The following RNF139 variants were observed in gnomAD, a reference collection of about 807,000 sequenced individuals.
The protein encoded by RNF139 is ring finger protein 139, also known as E3 ubiquitin-protein ligase RNF139.
A neutral mutation model predicts 49.5 loss-of-function variants in RNF139; 15 were observed. The observed-to-expected ratio is 0.30, with a 90% CI of 0.20 to 0.47. RNF139 has a LOEUF of 0.47. RNF139 is among the 20% of genes least tolerant of loss of function. The pLI is 1.00. For synonymous variants in RNF139, 325 were observed against 300.9 expected (o/e 1.08, Z -0.83); for missense variants, 619 against 806.3 (o/e 0.77, Z 2.81).
At position 124,475,209 on chromosome 8, in the gene RNF139, A is replaced by T. The variant is rs1446769003; in HGVS notation, c.100A>T (p.Ile34Phe). 6.2e-7 allele frequency: 1 copy of T among 1,613,856 alleles called. No homozygotes were observed. Among genetic ancestry groups the T allele is most frequent in the South Asian group, 1.1e-5 (1 of 91,068 alleles). Residue 34 changes from isoleucine to phenylalanine, a missense_variant, in exon 1 of 2, where the codon ATC becomes TTC. By Grantham distance (21) the Ile-to-Phe change is conservative. Transcript: ENST00000303545. ...GCTCCGGGTGCCCTGCCTTTACATC[A>T]TCGACGCCATCTTCAACTCCTACCC... ...VALRVPCLYI[I>F]DAIFNSYPDS...
intron 1 of RNF139, among the ~76,000 whole-genome samples, chr8:124,479,238 G>T (rs146691482): frequency 6.6e-6 from 1 of 152,080 alleles, no homozygotes; most frequent in Non-Finnish European, 1.5e-5. Context: ...TGCCTGGCTC[G>T]TACAACTTTT....
At position 124,487,701 on chromosome 8, in the gene RNF139, A is replaced by C; in HGVS notation, c.*57A>C. On this transcript the variant is annotated 3_prime_UTR_variant, in exon 2 of 2. Coordinates refer to ENST00000303545, the MANE Select transcript of RNF139 (RefSeq NM_007218.4). ...TTGTTTAAAATTCAGTTCATCCAAA[A>C]TGGAGTAATATCCTTCACCTTCAGT... 1 of 1,494,482 alleles carries C rather than the reference A, an allele frequency of 6.7e-7. No homozygotes were observed. The highest frequency in any genetic ancestry group is 9.0e-7 in the Non-Finnish European group (1 of 1,113,658). The allele number at this position is 1,494,482 out of a possible 1,614,324, so 92.6% of individuals were successfully genotyped here.
At position 124,486,831 on chromosome 8, in the gene RNF139, T is replaced by G. The variant is rs376817114; in HGVS notation, c.1182T>G (p.Phe394Leu). The change falls in exon 2 of 2, where the codon TTT (phenylalanine) becomes TTG (leucine). Residue 394 changes from phenylalanine to leucine, a missense_variant. Phe to Leu is a conservative substitution (Grantham distance 22, BLOSUM62 0). This residue lies in a region of RNF139 where 530 missense variants were observed against 728.9 expected (regional missense o/e 0.73). Coordinates refer to ENST00000303545, the MANE Select transcript of RNF139 (RefSeq NM_007218.4). ...SSFRRHFPVL[F>L]VSACLFILPV... Reference sequence around the variant, plus strand: ...TTCGTAGACATTTTCCTGTGCTGTTTGTCTCTGCTTGCCTGTTTATTCTTC... The same window carrying G: ...TTCGTAGACATTTTCCTGTGCTGTTGGTCTCTGCTTGCCTGTTTATTCTTC... The G allele has an allele frequency of 2.5e-6, 4 of 1,613,826 alleles. No individual in the cohort carries two copies. The African/African-American group carries it at 4.0e-5, about 16-fold the overall frequency.
Position 124,486,687 on chromosome 8 carries a change from A to G in RNF139, c.1038A>G (p.Glu346=). 1 of 1,614,164 alleles carries G rather than the reference A, an allele frequency of 6.2e-7. No homozygotes were observed. Among genetic ancestry groups the G allele is most frequent in the Non-Finnish European group, 8.5e-7 (1 of 1,180,032 alleles). Residue 346 remains glutamate (E), a synonymous_variant, in exon 2 of 2, where the codon GAA becomes GAG. Transcript: ENST00000303545. ...LQTGLSGLRP[E]ERLIRLSRNM... ...CTGGGTTAAGTGGGCTAAGACCAGA[A>G]GAGAGACTTATTCGCTTAAGTAGAA...
chr8:124,474,881 G>A lies in RNF139; in HGVS notation c.-229G>A. 3.3e-6 allele frequency: 1 copy of A among 302,428 alleles called. No individual in the cohort carries two copies. The highest frequency in any genetic ancestry group is 6.0e-6 in the Non-Finnish European group (1 of 167,238). 18.7% of individuals were successfully genotyped at this position (302,428 alleles called of 1,614,324 possible). A position where few individuals can be genotyped will look rare whatever the true frequency, so the allele number is the denominator to read the frequency against. On this transcript the variant is annotated 5_prime_UTR_variant, in exon 1 of 2. Coordinates refer to ENST00000303545, the MANE Select transcript of RNF139 (RefSeq NM_007218.4). This position sits in a 1 kb window ranked among gnomAD's most constrained non-coding sequence, Gnocchi z 4.6. ...AGCCAGCCGGAAACACCGAAACCCA[G>A]AGACCTCCTGGGGAGCCGCCGCCGC...
rs991809786 is a variant in RNF139, at chr8:124,488,495, T to A, written c.*851T>A. The stretch of plus-strand genomic sequence containing the variant: ...AATGGTGTGTACCGATATATAGTAT[T>A]TCTTTAGACAACTTGCAGATAATTT... On this transcript the variant is annotated 3_prime_UTR_variant, in exon 2 of 2. Coordinates refer to ENST00000303545, the MANE Select transcript of RNF139 (RefSeq NM_007218.4). 3.1e-6 allele frequency: 2 copies of A among 649,798 alleles called. No individual in the cohort carries two copies. The highest frequency in any genetic ancestry group is 4.2e-4 in the Middle Eastern group (1 of 2,388). The allele number at this position is 649,798 out of a possible 1,614,324, so 40.3% of individuals were successfully genotyped here. A position where few individuals can be genotyped will look rare whatever the true frequency, so the allele number is the denominator to read the frequency against.
chr8:124,486,820 C>T lies in RNF139; in HGVS notation c.1171C>T (p.Pro391Ser). ...SHVSSFRRHF[P>S]VLFVSACLFI... ...TGTGTCATCTTTTCGTAGACATTTT[C>T]CTGTGCTGTTTGTCTCTGCTTGCCT... Residue 391 changes from proline (P) to serine (S), a missense_variant, in exon 2 of 2, where the codon CCT (proline) becomes TCT (serine). Pro to Ser is a moderately conservative substitution (Grantham distance 74). Transcript: ENST00000303545. The T allele has an allele frequency of 1.2e-6, 2 of 1,613,852 alleles. No individual in the cohort carries two copies. The highest frequency in any genetic ancestry group is 1.7e-6 in the Non-Finnish European group (2 of 1,179,998).
intron 1 of RNF139, among the ~76,000 whole-genome samples, chr8:124,483,725 C>G (rs1451689428): frequency 6.6e-6 from 1 of 152,128 alleles, no homozygotes; most frequent in East Asian, 1.9e-4. Context: ...CCACCACACC[C>G]AGCCAAGATG....
At chr8:124,485,784 T>G (rs1272543884) in intron 1 of RNF139, 47 bp from the exon 2 acceptor site, 1 of 1,452,800 alleles carries the variant, frequency 6.9e-7, no homozygotes, top group Non-Finnish European at 9.3e-7. Flanking sequence ...TGGGGAAACA[T>G]TCTTACAAAT....
chr8:124,487,165 T>C lies in RNF139; in HGVS notation c.1516T>C (p.Phe506Leu). ...TTTTATGATGTGCCTACATGCATAT[T>C]TTAACATCTACTTACAAGCCAAAAA... ...RAFMMCLHAY[F>L]NIYLQAKNGW... The change falls in exon 2 of 2, where the codon TTT becomes CTT. Residue 506 changes from phenylalanine (F) to leucine (L), a missense_variant. Around this residue, in one of 2 missense-constraint regions of RNF139, gnomAD observed 530 missense variants for 728.9 expected, o/e 0.73. Transcript: ENST00000303545. 6.2e-7 allele frequency: 1 copy of C among 1,613,992 alleles called. No individual in the cohort carries two copies. Among genetic ancestry groups the C allele is most frequent in the Non-Finnish European group, 8.5e-7 (1 of 1,180,008 alleles).
At chr8:124,475,955 T>C (rs1000943069) in intron 1 of RNF139, among the ~76,000 whole-genome samples, 2 of 152,246 alleles carry the variant, frequency 1.3e-5, no homozygotes, top group Non-Finnish European at 2.9e-5. Context: ...CTGAAAATCA[T>C]TGTCTTTGTT....
intron 1 of RNF139, among the ~76,000 whole-genome samples, chr8:124,478,041 G>A (rs1816341071): frequency 6.6e-6 from 1 of 152,052 alleles, no homozygotes; most frequent in Non-Finnish European, 1.5e-5. Flanking sequence ...TGCCAGGGAA[G>A]CTGAGGCAGG....
At chr8:124,475,937 A>G (rs1240051213) in intron 1 of RNF139, among the ~76,000 whole-genome samples, 1 of 152,228 alleles carries the variant, frequency 6.6e-6, no homozygotes, top group African/African-American at 2.4e-5. Context: ...CATTTGCCAA[A>G]GAGACTTCTG....
rs577163459 is a variant in RNF139 at position 124,486,265 on chromosome 8, C to A, written c.616C>A (p.Arg206=). 2.3e-5 allele frequency: 37 copies of A among 1,613,954 alleles called. No homozygotes were observed. In the South Asian group the frequency reaches 2.9e-4, roughly 12 times the overall value. ...ACTGAAGTGGTTTTATTATTCCACACGATATGTTTATCTTTTGGTGAGGCA... is the reference window on the plus strand; with the variant it reads ...ACTGAAGTGGTTTTATTATTCCACAAGATATGTTTATCTTTTGGTGAGGCA... The part of the protein sequence containing the change: ...VKLKWFYYST[R]YVYLLVRHMY... Residue 206 remains arginine (R), a synonymous_variant, in exon 2 of 2, where the codon CGA becomes AGA. Transcript: ENST00000303545.
chr8:124,487,624 T>A lies in RNF139; in HGVS notation c.1975T>A (p.Phe659Ile). ...GCACACAGGCGCAGCAGCTGAAGAATTTAATGATGATACTGACTGATGAAA... is the reference window on the plus strand; with the variant it reads ...GCACACAGGCGCAGCAGCTGAAGAAATTAATGATGATACTGACTGATGAAA... ...IQHTGAAAEE[F>I]NDDTD The change falls in exon 2 of 2, where the codon TTT (phenylalanine) becomes ATT (isoleucine). Residue 659 changes from phenylalanine to isoleucine, a missense_variant. Phe to Ile is a conservative substitution (Grantham distance 21, BLOSUM62 0). Coordinates refer to ENST00000303545, the MANE Select transcript of RNF139 (RefSeq NM_007218.4). 1 of 1,604,992 alleles carries A rather than the reference T, an allele frequency of 6.2e-7. No homozygotes were observed.
chr8:124,475,642 C>T (rs924116647), intron 1 of RNF139, among the ~76,000 whole-genome samples: 1 of 152,236 alleles, frequency 6.6e-6, no homozygotes, highest in Non-Finnish European at 1.5e-5. Context: ...ATCCCAGTCT[C>T]GTCGTGTGTG....
Position 124,488,565 on chromosome 8 carries a change from C to CATG in RNF139, c.*925_*927dup. On this transcript the variant is annotated 3_prime_UTR_variant, in exon 2 of 2. Coordinates refer to ENST00000303545, the MANE Select transcript of RNF139 (RefSeq NM_007218.4). ...AAGTTTTACTATGAAATTTTACATA[C>CATG]ATGATGGAAAGTGGAAGACATATAC... The CATG allele has an allele frequency of 8.6e-7, 1 of 1,159,808 alleles. No homozygotes were observed. Among genetic ancestry groups the CATG allele is most frequent in the Non-Finnish European group, 1.3e-6 (1 of 796,486 alleles). The allele number at this position is 1,159,808 out of a possible 1,614,324, so 71.8% of individuals were successfully genotyped here. A position where few individuals can be genotyped will look rare whatever the true frequency, so the allele number is the denominator to read the frequency against.
chr8:124,480,725 TG>T (rs1280554384), intron 1 of RNF139, among the ~76,000 whole-genome samples: 4 of 152,094 alleles, frequency 2.6e-5, no homozygotes, highest in Non-Finnish European at 5.9e-5. Flanking sequence ...AAGTGGCGGC[TG>T]GGGGTAGGAA....
intron 1 of RNF139, among the ~76,000 whole-genome samples, chr8:124,478,140 TAA>T (rs1395642000): frequency 7.5e-6 from 1 of 133,704 alleles, no homozygotes; most frequent in African/African-American, 2.8e-5. Flanking sequence ...AGACTCTGTC[TAA>T]AAAAAAAAAC....
Sources: gnomAD v4.1 joint callset for allele counts (sites outside exome capture counted in the v4.1 genomes callset) on GRCh38, gnomAD v4.1.1 for gene constraint, gnomAD v4.1.1 regional missense constraint, Gnocchi (gnomAD v3.1) non-coding constraint, MANE v1.5 for transcripts, NCBI Gene and HGNC (gene_info 2026-07-23, HGNC 2026-07-21) for gene names.